Variants in SLC5A4 observed in about 807,000 individuals in gnomAD.
SLC5A4 encodes the protein probable glucose sensor protein SLC5A4.
Under a neutral mutation model 70.3 loss-of-function variants are expected in SLC5A4, and 55 were observed. The observed-to-expected ratio is 0.78, with a 90% CI of 0.63 to 0.98. SLC5A4 has a LOEUF of 0.98. Among genes scored for constraint, SLC5A4 ranks in the 50% least tolerant of loss-of-function variants. SLC5A4 has a pLI of 0.00. For missense variants in SLC5A4, 735 were observed against 839.2 expected (o/e 0.88, Z 1.53); for synonymous variants, 268 against 305.7 (o/e 0.88, Z 1.29).
At chr22:32,303,101 C>T in the SLC5A4 span, among the ~76,000 whole-genome samples, 1 of 152,082 alleles carries the variant, frequency 6.6e-6, no homozygotes, top group East Asian at 1.9e-4. Flanking sequence ...GTCTCTGAGA[C>T]AGATCTCAAT....
intron 3 of SLC5A4, among the ~76,000 whole-genome samples, chr22:32,249,878 C>CT (rs1465901147): frequency 6.6e-6 from 1 of 152,036 alleles, no homozygotes; most frequent in African/African-American, 2.4e-5. Context: ...AATTTGTAAA[C>CT]TTTCTTAAAA....
At chr22:32,268,609 C>G in the SLC5A4 span, 1 of 152,188 alleles carries the variant, frequency 6.6e-6, no homozygotes, top group Non-Finnish European at 1.5e-5. Flanking sequence ...TGCTCTCAGC[C>G]CATCAATGGC....
At chr22:32,279,271 G>A in the SLC5A4 span, among the ~76,000 whole-genome samples, 2 of 152,310 alleles carry the variant, frequency 1.3e-5, no homozygotes, top group Non-Finnish European at 2.9e-5. Context: ...GTGAGACTCC[G>A]TCTCAAAAAA....
At chr22:32,274,582 A>C in the SLC5A4 span, among the ~76,000 whole-genome samples, 13 of 152,342 alleles carry the variant, frequency 8.5e-5, 1 homozygote, top group South Asian at 2.7e-3. Context: ...TGTGATAATA[A>C]AAAGTTGAAA....
the SLC5A4 span, among the ~76,000 whole-genome samples, chr22:32,312,320 AAACC>A: frequency 1.8e-4 from 27 of 151,632 alleles, no homozygotes; most frequent in South Asian, 6.3e-4. Context: ...GCCCCAATAA[AAACC>A]AACCAACCAA....
chr22:32,315,391 G>A, the SLC5A4 span, among the ~76,000 whole-genome samples: 2 of 152,074 alleles, frequency 1.3e-5, no homozygotes, highest in African/African-American at 4.8e-5. Flanking sequence ...CTAAATTATT[G>A]CTTAGAAGTC....
chr22:32,276,451 C>T, the SLC5A4 span, among the ~76,000 whole-genome samples: 1 of 152,134 alleles, frequency 6.6e-6, no homozygotes, highest in African/African-American at 2.4e-5. Flanking sequence ...AAGAAAATTT[C>T]AAAGGGAAAC....
chr22:32,289,003 G>T, the SLC5A4 span, among the ~76,000 whole-genome samples: 2 of 152,056 alleles, frequency 1.3e-5, no homozygotes, highest in Non-Finnish European at 1.5e-5. Flanking sequence ...TCAATGCTGG[G>T]TAGCAGTGAT....
chr22:32,312,149 AG>A, the SLC5A4 span, among the ~76,000 whole-genome samples: 3 of 152,128 alleles, frequency 2.0e-5, no homozygotes, highest in Admixed American at 6.5e-5. Context: ...GAATTCTGTA[AG>A]AACCAACCCT....
chr22:32,314,118 A>G, the SLC5A4 span, among the ~76,000 whole-genome samples: 1 of 152,052 alleles, frequency 6.6e-6, no homozygotes, highest in Admixed American at 6.6e-5. Context: ...AGGAGAACCT[A>G]CTCTCCACTC....
chr22:32,280,704 T>C, the SLC5A4 span, among the ~76,000 whole-genome samples: 2 of 152,282 alleles, frequency 1.3e-5, no homozygotes, highest in East Asian at 1.9e-4. Context: ...AGAAAGAAGT[T>C]TGTCAAATGA....
At chr22:32,248,487 G>C (rs908744356) in intron 4 of SLC5A4, among the ~76,000 whole-genome samples, 1 of 151,974 alleles carries the variant, frequency 6.6e-6, no homozygotes, top group Non-Finnish European at 1.5e-5. Flanking sequence ...GCTTCCTGTT[G>C]ACCGACTTCT....
Position 32,234,899 on chromosome 22 carries a change from C to T in SLC5A4, c.859G>A (p.Ala287Thr), listed in dbSNP as rs142605490. 999 of 1,612,150 alleles carry T rather than the reference C, an allele frequency of 6.2e-4. 8 individuals are homozygous for T. Among genetic ancestry groups the T allele is most frequent in the Middle Eastern group, 1.8e-4 (1 of 5,448 alleles). ...PGIIFGMPIT[A>T]LWYWCTNQVI... ...TGATTTGTGCACCAGTACCACAAAG[C>T]TGTAATGGGCATTCCAAATATAATT... The change falls in exon 8 of 15, where the codon GCT (alanine) becomes ACT (threonine). Residue 287 changes from alanine to threonine, a missense_variant. Ala to Thr is a moderately conservative substitution (Grantham distance 58). Transcript: ENST00000266086.
At chr22:32,343,838 G>A in the SLC5A4 span, among the ~76,000 whole-genome samples, 1 of 152,152 alleles carries the variant, frequency 6.6e-6, no homozygotes, top group African/African-American at 2.4e-5. Flanking sequence ...CACATTTTAA[G>A]GAGTGAGTCA....
chr22:32,324,524 C>G, the SLC5A4 span, among the ~76,000 whole-genome samples: 1 of 152,158 alleles, frequency 6.6e-6, no homozygotes, highest in Admixed American at 6.5e-5. Flanking sequence ...ACACCCTCCC[C>G]TATCTCCACC....
the SLC5A4 span, chr22:32,272,583 G>T: frequency 1.6e-6 from 1 of 626,500 alleles, no homozygotes; most frequent in South Asian, 1.9e-5. Context: ...CTTCATGGTA[G>T]ACAACACCCA....
the SLC5A4 span, among the ~76,000 whole-genome samples, chr22:32,295,929 CTTGT>C: frequency 9.9e-5 from 3 of 30,234 alleles, no homozygotes; most frequent in African/African-American, 1.4e-4. Context: ...TTCCCCATTG[CTTGT>C]TTTTCTCAGG....
the SLC5A4 span, among the ~76,000 whole-genome samples, chr22:32,301,886 T>C: frequency 1.3e-5 from 2 of 151,942 alleles, no homozygotes; most frequent in East Asian, 3.9e-4. Flanking sequence ...TGGTTTTTGA[T>C]AGTGGTGCCA....
the SLC5A4 span, among the ~76,000 whole-genome samples, chr22:32,287,554 C>G: frequency 6.6e-6 from 1 of 151,738 alleles, no homozygotes; most frequent in Non-Finnish European, 1.5e-5. Flanking sequence ...TAGTTTATAA[C>G]TCTCCAGACC....
Sources: gnomAD v4.1 joint callset for allele counts (sites outside exome capture counted in the v4.1 genomes callset) on GRCh38, gnomAD v4.1.1 for gene constraint, MANE v1.5 for transcripts, NCBI Gene and HGNC (gene_info 2026-07-23, HGNC 2026-07-21) for gene names.